The following QTMAN variants were observed in gnomAD, a reference collection of about 807,000 sequenced individuals.
QTMAN encodes tRNA-queuosine alpha-mannosyltransferase.
At chr2:144,288,970 A>G in the QTMAN span, among the ~76,000 whole-genome samples, 1 of 152,080 alleles carries the variant, frequency 6.6e-6, no homozygotes, top group African/African-American at 2.4e-5. Flanking sequence ...TGCTGTAAAC[A>G]TGAGTAAACA....
chr2:144,002,600 A>G, the QTMAN span, among the ~76,000 whole-genome samples: 1 of 152,016 alleles, frequency 6.6e-6, no homozygotes, highest in African/African-American at 2.4e-5. Flanking sequence ...ATTAACAAAT[A>G]TGATTTTTTA....
At chr2:144,065,952 T>G in the QTMAN span, among the ~76,000 whole-genome samples, 1 of 152,142 alleles carries the variant, frequency 6.6e-6, no homozygotes, top group Non-Finnish European at 1.5e-5. Flanking sequence ...GCGGTGGCCA[T>G]GAGAGCAGGG....
the QTMAN span, among the ~76,000 whole-genome samples, chr2:144,063,983 A>G: frequency 7.9e-5 from 12 of 152,226 alleles, no homozygotes; most frequent in African/African-American, 1.9e-4. Flanking sequence ...CTACAGTAAT[A>G]ATGCTTTGTT....
chr2:144,003,801 AC>A, the QTMAN span, among the ~76,000 whole-genome samples: 1 of 152,062 alleles, frequency 6.6e-6, no homozygotes, highest in African/African-American at 2.4e-5. Flanking sequence ...AGTAGGCTCT[AC>A]ATTTGGTTGG....
the QTMAN span, among the ~76,000 whole-genome samples, chr2:144,026,984 A>T: frequency 6.6e-6 from 1 of 152,208 alleles, no homozygotes; most frequent in Non-Finnish European, 1.5e-5. Context: ...ATTAAAAAAT[A>T]AGAATAAAGT....
chr2:144,164,690 T>C, the QTMAN span, among the ~76,000 whole-genome samples: 3 of 152,190 alleles, frequency 2.0e-5, no homozygotes, highest in African/African-American at 7.2e-5. Context: ...ATTCTGTCAG[T>C]CTTTTTTCCA....
At chr2:144,285,383 G>C in the QTMAN span, among the ~76,000 whole-genome samples, 1 of 152,174 alleles carries the variant, frequency 6.6e-6, no homozygotes, top group South Asian at 2.1e-4. Context: ...GAGACCCCAG[G>C]ACCTCCCATT....
At chr2:144,243,743 T>C in the QTMAN span, among the ~76,000 whole-genome samples, 2 of 152,352 alleles carry the variant, frequency 1.3e-5, no homozygotes, top group African/African-American at 4.8e-5. Context: ...TATATACTAC[T>C]GTATTTTACT....
At chr2:144,174,472 A>C in the QTMAN span, among the ~76,000 whole-genome samples, 1 of 152,156 alleles carries the variant, frequency 6.6e-6, no homozygotes, top group African/African-American at 2.4e-5. Context: ...TTTCAGATGA[A>C]AATGTAAATT....
chr2:144,145,689 C>T, the QTMAN span: 9 of 1,611,442 alleles, frequency 5.6e-6, no homozygotes, highest in East Asian at 2.2e-5. Context: ...AAGGTCAGGC[C>T]GAAGGGCAGC....
chr2:144,178,664 T>C, the QTMAN span: 1 of 171,334 alleles, frequency 5.8e-6, no homozygotes, highest in Admixed American at 6.2e-5. Context: ...CCATATGGTC[T>C]GCAGCACCTA....
At chr2:144,147,438 G>C in the QTMAN span, among the ~76,000 whole-genome samples, 1 of 151,598 alleles carries the variant, frequency 6.6e-6, no homozygotes, top group African/African-American at 2.4e-5. Context: ...GAAACATGAA[G>C]ATATTTGTTT....
chr2:144,264,300 G>A, the QTMAN span, among the ~76,000 whole-genome samples: 1 of 152,106 alleles, frequency 6.6e-6, no homozygotes, highest in African/African-American at 2.4e-5. Context: ...AGAGAGGTGA[G>A]GAGGAGAATT....
chr2:144,246,433 C>T, the QTMAN span, among the ~76,000 whole-genome samples: 12 of 150,520 alleles, frequency 8.0e-5, no homozygotes, highest in African/African-American at 2.4e-4. Flanking sequence ...ATTAGCCGGG[C>T]GCGGTGGCGG....
the QTMAN span, among the ~76,000 whole-genome samples, chr2:144,121,901 G>A: frequency 5.9e-5 from 9 of 152,210 alleles, no homozygotes; most frequent in African/African-American, 2.2e-4. Flanking sequence ...TGATGGTGAT[G>A]AATAAAAGTT....
At chr2:144,112,067 A>G in the QTMAN span, among the ~76,000 whole-genome samples, 2 of 152,238 alleles carry the variant, frequency 1.3e-5, no homozygotes, top group Admixed American at 6.5e-5. Flanking sequence ...TTATTCCTAG[A>G]AAGTATTACA....
the QTMAN span, among the ~76,000 whole-genome samples, chr2:144,240,798 A>C: frequency 6.6e-6 from 1 of 152,224 alleles, no homozygotes; most frequent in East Asian, 1.9e-4. Context: ...TTAAAACATA[A>C]CAGCATAAAA....
chr2:144,164,298 G>A, the QTMAN span, among the ~76,000 whole-genome samples: 6 of 151,950 alleles, frequency 3.9e-5, no homozygotes, highest in Non-Finnish European at 8.8e-5. Context: ...ATGGGCCTAT[G>A]AGAGTACTCC....
the QTMAN span, chr2:143,946,742 T>C: frequency 3.1e-6 from 1 of 321,866 alleles, no homozygotes; most frequent in Non-Finnish European, 5.7e-6. Flanking sequence ...ATGGGATACA[T>C]GAGTGCGGTT....
Sources: allele counts gnomAD v4.1 joint callset (sites outside exome capture counted in the v4.1 genomes callset), GRCh38; gene constraint gnomAD v4.1.1; transcripts MANE v1.5; gene names NCBI Gene and HGNC (gene_info 2026-07-23, HGNC 2026-07-21).